The following TESK2 variants were observed in gnomAD, a reference collection of about 807,000 sequenced individuals.
TESK2 encodes testis associated actin remodelling kinase 2.
TESK2 carries 39 observed loss-of-function variants against 57.1 expected under a neutral mutation model. That is an observed-to-expected ratio of 0.68 (90% CI 0.53 to 0.89). The LOEUF (loss-of-function observed/expected upper bound fraction) is 0.89, where lower values mean the gene tolerates loss of function less well. TESK2 is among the 40% of genes least tolerant of loss of function. The pLI, the probability that TESK2 is intolerant of heterozygous loss-of-function variation, is 0.00. For missense variants in TESK2, 646 were observed against 732.1 expected (o/e 0.88, Z 1.36); for synonymous variants, 249 against 267.9 (o/e 0.93, Z 0.69).
intron 1 of TESK2, among the ~76,000 whole-genome samples, chr1:45,485,244 A>C (rs1215809794): frequency 6.7e-6 from 1 of 148,964 alleles, no homozygotes; most frequent in Non-Finnish European, 1.5e-5. Context: ...GCTGGAGTGC[A>C]GTGGCGCGAT....
chr1:45,431,697 G>A (rs1650973674), intron 2 of TESK2, among the ~76,000 whole-genome samples: 1 of 152,074 alleles, frequency 6.6e-6, no homozygotes, highest in Non-Finnish European at 1.5e-5. Context: ...TGCTTGAAGG[G>A]GTCAGAGAAG....
At chr1:45,397,697 T>C (rs1649423601) in intron 3 of TESK2, among the ~76,000 whole-genome samples, 1 of 152,196 alleles carries the variant, frequency 6.6e-6, no homozygotes, top group Non-Finnish European at 1.5e-5. Context: ...GTTGCAGTTA[T>C]ACAACCTGCC....
chr1:45,393,278 T>G (rs986351611), intron 3 of TESK2, among the ~76,000 whole-genome samples: 1 of 152,134 alleles, frequency 6.6e-6, no homozygotes, highest in African/African-American at 2.4e-5. Flanking sequence ...TCTGTCTGCT[T>G]TCTTCCCACC....
chr1:45,381,890 GTCTC>G (rs957577914), intron 4 of TESK2, among the ~76,000 whole-genome samples: 1 of 135,166 alleles, frequency 7.4e-6, no homozygotes, highest in Non-Finnish European at 1.5e-5. Context: ...TTTTTAAGAG[GTCTC>G]TCTCTGTTGC....
chr1:45,419,268 G>A lies in TESK2; in HGVS notation c.344+2457C>T, dbSNP rs72894312. Among the ~76,000 whole-genome samples the A allele has an allele frequency of 5.1e-3, 780 of 152,108 alleles. 9 individuals are homozygous for A. The highest frequency in any genetic ancestry group is 0.017 in the African/African-American group (726 of 41,518). ...TGGGATTACAGGCGTGAGCCGTCAC[G>A]CCCAGACTTCCCTGACTCTTCAAAG... On this transcript the variant is annotated intron_variant, in intron 3 of 10. Transcript: ENST00000372086.
intron 3 of TESK2, among the ~76,000 whole-genome samples, chr1:45,393,738 CA>C (rs34270037): frequency 0.36 from 31,389 of 88,166 alleles, 2,684 homozygotes; most frequent in East Asian, 0.45. Flanking sequence ...GACTCCGTCT[CA>C]AAAAAAAAAA....
At chr1:45,427,072 G>A (rs1293448750) in intron 2 of TESK2, among the ~76,000 whole-genome samples, 4 of 151,776 alleles carry the variant, frequency 2.6e-5, no homozygotes, top group African/African-American at 7.3e-5. Context: ...GTAAAACCCC[G>A]TCTCCACTAA....
intron 2 of TESK2, among the ~76,000 whole-genome samples, chr1:45,456,641 T>C (rs1234315913): frequency 2.6e-5 from 4 of 151,972 alleles, no homozygotes. Flanking sequence ...GAAAATACAA[T>C]GTAGAAAAGA....
Position 45,344,501 on chromosome 1 carries a change from G to T in TESK2, c.*339C>A. 1 of 262,412 alleles carries T rather than the reference G, an allele frequency of 3.8e-6. No homozygotes were observed. The highest frequency in any genetic ancestry group is 7.3e-6 in the Non-Finnish European group (1 of 136,390). 16.3% of individuals were successfully genotyped at this position (262,412 alleles called of 1,614,324 possible). On this transcript the variant is annotated 3_prime_UTR_variant, in exon 11 of 11. Coordinates refer to ENST00000372086, the MANE Select transcript of TESK2 (RefSeq NM_007170.3). ...AGGCAAGAGACAGACCTGGGGTGGG[G>T]AAAGAACCGGGGTAATAGCTGCCTG...
At chr1:45,465,592 G>T (rs1448738895) in intron 1 of TESK2, among the ~76,000 whole-genome samples, 7 of 152,182 alleles carry the variant, frequency 4.6e-5, no homozygotes. Context: ...CTTGTTAGAA[G>T]TTTTACAATA....
intron 4 of TESK2, among the ~76,000 whole-genome samples, chr1:45,356,424 C>T (rs534613394): frequency 3.2e-4 from 48 of 151,942 alleles, no homozygotes; most frequent in Middle Eastern, 6.8e-3. Context: ...CTCAGGAGTT[C>T]AGACCGGCCT....
chr1:45,353,191 C>T (rs1647282644), intron 5 of TESK2, among the ~76,000 whole-genome samples: 1 of 152,234 alleles, frequency 6.6e-6, no homozygotes, highest in South Asian at 2.1e-4. Context: ...AGCCACCATG[C>T]CCGGCCTGCA....
At chr1:45,385,061 AC>A (rs1435413734) in intron 4 of TESK2, among the ~76,000 whole-genome samples, 1 of 152,156 alleles carries the variant, frequency 6.6e-6, no homozygotes, top group Non-Finnish European at 1.5e-5. Context: ...CTGTTAAACA[AC>A]TTTCCTTCCT....
Position 45,402,346 on chromosome 1 carries a change from C to T in TESK2, c.345-16386G>A, listed in dbSNP as rs560544070. Among the ~76,000 whole-genome samples the T allele has an allele frequency of 8.7e-5, 13 of 148,814 alleles. No individual in the cohort carries two copies. In the East Asian group the frequency reaches 2.2e-3, roughly 25 times the overall value. On this transcript the variant is annotated intron_variant, in intron 3 of 10. Coordinates refer to ENST00000372086, the MANE Select transcript of TESK2 (RefSeq NM_007170.3). Reference sequence around the variant, plus strand: ...GGTCAAGGCTATAGTGAGCTATGACCATACCACTGCACTTCTCTGCCTGGG... The same window carrying T: ...GGTCAAGGCTATAGTGAGCTATGACTATACCACTGCACTTCTCTGCCTGGG...
intron 4 of TESK2, chr1:45,385,347 T>C (rs1648844546): frequency 4.1e-6 from 4 of 985,116 alleles, no homozygotes; most frequent in South Asian, 4.7e-5. Flanking sequence ...ATAATGACTA[T>C]CACATATTCC....
intron 3 of TESK2, among the ~76,000 whole-genome samples, chr1:45,393,601 C>T (rs1047949646): frequency 1.1e-4 from 16 of 151,858 alleles, no homozygotes; most frequent in African/African-American, 3.9e-4. Context: ...ATTAGCCAGG[C>T]GTGGTGGTGG....
intron 4 of TESK2, among the ~76,000 whole-genome samples, chr1:45,364,809 ATCTCAGAGAT>A (rs1439379036): frequency 1.3e-5 from 2 of 152,252 alleles, no homozygotes; most frequent in African/African-American, 2.4e-5. Context: ...AGTCAAAGAC[ATCTCAGAGAT>A]TCCAAATTGA....
chr1:45,453,268 G>C (rs548210234), intron 2 of TESK2, among the ~76,000 whole-genome samples: 2 of 149,134 alleles, frequency 1.3e-5, no homozygotes, highest in East Asian at 4.0e-4. Context: ...GATCACTTGA[G>C]TCTGGGAGGT....
At chr1:45,399,007 A>AC (rs1649479878) in intron 3 of TESK2, 3 of 427,110 alleles carry the variant, frequency 7.0e-6, no homozygotes, top group East Asian at 7.1e-5. Flanking sequence ...AAAAAAAAAA[A>AC]CAAGCCTTTA....
Sources: gnomAD v4.1 joint callset for allele counts (sites outside exome capture counted in the v4.1 genomes callset) on GRCh38, gnomAD v4.1.1 for gene constraint, MANE v1.5 for transcripts, NCBI Gene and HGNC (gene_info 2026-07-23, HGNC 2026-07-21) for gene names.